The following EDNRA variants were observed in gnomAD, a reference collection of about 807,000 sequenced individuals.
The protein encoded by EDNRA is endothelin receptor type A, also known as endothelin-1 receptor.
EDNRA carries 11 observed loss-of-function variants against 41.4 expected under a neutral mutation model. The ratio of observed to expected loss-of-function variants is 0.27; its 90% CI spans 0.17 to 0.44. EDNRA has a LOEUF of 0.44. Among genes scored for constraint, EDNRA ranks in the 20% least tolerant of loss-of-function variants. EDNRA has a pLI of 1.00. For synonymous variants in EDNRA, 172 were observed against 183.0 expected (o/e 0.94, Z 0.49); for missense variants, 294 against 531.0 (o/e 0.55, Z 4.39).
chr4:147,533,302 G>C (rs187276298), intron 4 of EDNRA, among the ~76,000 whole-genome samples: 1 of 151,956 alleles, frequency 6.6e-6, no homozygotes, highest in African/African-American at 2.4e-5. Flanking sequence ...GGTTTTTTTA[G>C]TACACCTGAC....
At chr4:147,534,594 A>G (rs190268952) in intron 4 of EDNRA, among the ~76,000 whole-genome samples, 17 of 152,340 alleles carry the variant, frequency 1.1e-4, no homozygotes, top group Non-Finnish European at 2.5e-4. Flanking sequence ...TTCATACGAT[A>G]TAACACTTGT....
rs200489831 is a variant in EDNRA at position 147,485,784 on chromosome 4, G to T, written c.103G>T (p.Asp35Tyr). Residue 35 changes from aspartate to tyrosine, a missense_variant, in exon 2 of 8, where the codon GAT becomes TAT. Asp to Tyr is a radical substitution (Grantham distance 160). Around this residue, in one of 3 missense-constraint regions of EDNRA, gnomAD observed 90 missense variants for 122.8 expected, o/e 0.73. Transcript: ENST00000651419. ...CAGCACAAATCTAAGCAATCATGTG[G>T]ATGATTTCACCACTTTTCGTGGCAC... ...RYSTNLSNHV[D>Y]DFTTFRGTEL... The T allele has an allele frequency of 7.4e-6, 12 of 1,614,238 alleles. No individual in the cohort carries two copies. The highest frequency in any genetic ancestry group is 7.6e-6 in the Non-Finnish European group (9 of 1,180,040).
At position 147,522,940 on chromosome 4, in the gene EDNRA, T is replaced by C. The variant is rs529834845; in HGVS notation, c.548+2962T>C. Among the ~76,000 whole-genome samples the C allele has an allele frequency of 2.0e-5, 3 of 152,320 alleles. No homozygotes were observed. The East Asian group carries it at 5.8e-4, about 29-fold the overall frequency. On this transcript the variant is annotated intron_variant, in intron 3 of 7. Coordinates refer to ENST00000651419, the MANE Select transcript of EDNRA (RefSeq NM_001957.4). The stretch of plus-strand genomic sequence containing the variant: ...CATACACGTAAGGTTTACAGTGGTT[T>C]GGCCTGGAAACATGGGACATCTTGA...
At chr4:147,498,226 A>G (rs1729383367) in intron 2 of EDNRA, among the ~76,000 whole-genome samples, 1 of 152,236 alleles carries the variant, frequency 6.6e-6, no homozygotes, top group African/African-American at 2.4e-5. Context: ...CTCATGAATA[A>G]GAGTTTAAAT....
chr4:147,497,938 G>A (rs2126401575), intron 2 of EDNRA, among the ~76,000 whole-genome samples: 1 of 152,270 alleles, frequency 6.6e-6, no homozygotes, highest in South Asian at 2.1e-4. Context: ...CTCTAAAAAT[G>A]TTCATTGAAA....
rs547696507 is a variant in EDNRA, at chr4:147,515,920, C to T, written c.421-3931C>T. On this transcript the variant is annotated intron_variant, in intron 2 of 7. Coordinates refer to ENST00000651419, the MANE Select transcript of EDNRA (RefSeq NM_001957.4). ...TAATGGGTTAAAACATGCAGCTTGT[C>T]AATTCTATGATGTTGATTTTGATAC... is the stretch of plus-strand genomic sequence containing the variant. Among the ~76,000 whole-genome samples the T allele has an allele frequency of 2.2e-4, 33 of 152,268 alleles. No homozygotes were observed. The East Asian group carries it at 6.4e-3, about 29-fold the overall frequency.
intron 3 of EDNRA, among the ~76,000 whole-genome samples, chr4:147,530,598 T>G (rs1197202819): frequency 6.6e-6 from 1 of 152,242 alleles, no homozygotes; most frequent in Non-Finnish European, 1.5e-5. Context: ...CAGTAAATTG[T>G]GCTATATAAT....
Position 147,519,728 on chromosome 4 carries a change from C to T in EDNRA, c.421-123C>T, listed in dbSNP as rs1295250156. 8.8e-7 allele frequency: 1 copy of T among 1,139,160 alleles called. No homozygotes were observed. The highest frequency in any genetic ancestry group is 2.7e-5 in the East Asian group (1 of 37,648). 70.6% of individuals were successfully genotyped at this position (1,139,160 alleles called of 1,614,324 possible). ...TAACAATTCTAATACTCTTTTGCTA[C>T]AGTGCTAACTGAAAAGCACTGTGAA... On this transcript the variant is annotated intron_variant, in intron 2 of 7. Coordinates refer to ENST00000651419, the MANE Select transcript of EDNRA (RefSeq NM_001957.4). The surrounding 1 kb of genome is among the most constrained non-coding windows in gnomAD (Gnocchi z 4.1).
chr4:147,524,001 T>C (rs1272567620), intron 3 of EDNRA, among the ~76,000 whole-genome samples: 1 of 151,992 alleles, frequency 6.6e-6, no homozygotes, highest in Non-Finnish European at 1.5e-5. Context: ...GTTTATACCA[T>C]AAAGGAGTAG....
At chr4:147,517,238 C>T (rs1319306212) in intron 2 of EDNRA, among the ~76,000 whole-genome samples, 1 of 152,216 alleles carries the variant, frequency 6.6e-6, no homozygotes, top group Non-Finnish European at 1.5e-5. Flanking sequence ...GCTCCAAGTG[C>T]TTCTGCTAAA....
intron 3 of EDNRA, among the ~76,000 whole-genome samples, chr4:147,521,185 G>GAATA (rs1015701094): frequency 2.7e-5 from 4 of 150,860 alleles, no homozygotes; most frequent in African/African-American, 7.3e-5. Flanking sequence ...CTGAGCCCAG[G>GAATA]AATAAATAAA....
At chr4:147,522,112 T>G (rs1465975093) in intron 3 of EDNRA, among the ~76,000 whole-genome samples, 1 of 152,182 alleles carries the variant, frequency 6.6e-6, no homozygotes, top group African/African-American at 2.4e-5. Flanking sequence ...GATTTATCAA[T>G]AAATTATGCT....
intron 5 of EDNRA, among the ~76,000 whole-genome samples, chr4:147,537,507 C>T (rs1730956782): frequency 6.6e-6 from 1 of 152,010 alleles, no homozygotes; most frequent in South Asian, 2.1e-4. Context: ...TTTGCATTCG[C>T]ACCATGATTG....
chr4:147,481,844 T>A (rs1203266831), intron 1 of EDNRA, among the ~76,000 whole-genome samples: 1 of 152,192 alleles, frequency 6.6e-6, no homozygotes, highest in Non-Finnish European at 1.5e-5. Flanking sequence ...CCAAGGGCAC[T>A]CGGTGTGAGG....
chr4:147,487,002 G>T (rs1728970806), intron 2 of EDNRA, among the ~76,000 whole-genome samples: 1 of 152,110 alleles, frequency 6.6e-6, no homozygotes, highest in South Asian at 2.1e-4. Flanking sequence ...TCTGCTTCTG[G>T]TGAGGGCCTC....
In EDNRA at chr4:147,543,993, T is replaced by A. The variant is rs549383151; in HGVS notation, c.*1375T>A. The A allele has an allele frequency of 1.3e-5, 2 of 152,700 alleles. No homozygotes were observed. The highest frequency in any genetic ancestry group is 2.9e-5 in the Non-Finnish European group (2 of 68,024). The allele number at this position is 152,700 out of a possible 1,614,324, so 9.5% of individuals were successfully genotyped here. A position where few individuals can be genotyped will look rare whatever the true frequency, so the allele number is the denominator to read the frequency against. On this transcript the variant is annotated 3_prime_UTR_variant, in exon 8 of 8. Coordinates refer to ENST00000651419, the MANE Select transcript of EDNRA (RefSeq NM_001957.4). ...AGAAAATCTTTTACTAGTGTGTGTG[T>A]GTATATATATAAACAATTGTAAATT... is the stretch of plus-strand genomic sequence containing the variant.
Position 147,544,776 on chromosome 4 carries a change from C to T in EDNRA, c.*2158C>T, listed in dbSNP as rs200941998. ...TCAGAAAGTCATAGATTTCTGAAGG[C>T]GTCAACGTGCATTTTATTTATGGAC... On this transcript the variant is annotated 3_prime_UTR_variant, in exon 8 of 8. Transcript: ENST00000651419. 219 of 152,580 alleles carry T rather than the reference C, an allele frequency of 1.4e-3. No individual in the cohort carries two copies. Among genetic ancestry groups the T allele is most frequent in the African/African-American group, 5.1e-3 (210 of 41,518 alleles). 9.5% of individuals were successfully genotyped at this position (152,580 alleles called of 1,614,324 possible).
At chr4:147,522,043 C>T (rs1266875263) in intron 3 of EDNRA, among the ~76,000 whole-genome samples, 1 of 152,046 alleles carries the variant, frequency 6.6e-6, no homozygotes, top group Non-Finnish European at 1.5e-5. Flanking sequence ...TGCTGGAATA[C>T]ACAAGAATGT....
chr4:147,536,085 G>T (rs1197982979), intron 5 of EDNRA, 56 bp downstream of exon 5: 1 of 1,586,464 alleles, frequency 6.3e-7, no homozygotes, highest in Non-Finnish European at 8.6e-7. Flanking sequence ...CTTGACAGCA[G>T]CAGGCCTGCA....
Sources: gnomAD v4.1 joint callset for allele counts (sites outside exome capture counted in the v4.1 genomes callset) on GRCh38, gnomAD v4.1.1 for gene constraint, gnomAD v4.1.1 regional missense constraint, Gnocchi (gnomAD v3.1) non-coding constraint, MANE v1.5 for transcripts, NCBI Gene and HGNC (gene_info 2026-07-23, HGNC 2026-07-21) for gene names.